Variants in GART observed in about 807,000 individuals in gnomAD.
GART encodes the protein trifunctional purine biosynthetic protein adenosine-3.
Under a neutral mutation model 107.2 loss-of-function variants are expected in GART, and 43 were observed. That is an observed-to-expected ratio of 0.40 (90% CI 0.31 to 0.52). The LOEUF (loss-of-function observed/expected upper bound fraction) is 0.52. Ranked by LOEUF, GART falls within the 20% of genes least tolerant of loss-of-function variation. GART has a pLI of 0.52. For missense variants in GART, 1,107 were observed against 1,206.5 expected, an observed-to-expected ratio of 0.92 and a Z score of 1.22; for synonymous variants, 434 against 427.0, an observed-to-expected ratio of 1.02 and a Z score of -0.20.
intron 1 of GART, among the ~76,000 whole-genome samples, chr21:33,541,006 A>T (rs999656384): frequency 6.6e-6 from 1 of 152,082 alleles, no homozygotes; most frequent in Non-Finnish European, 1.5e-5. Context: ...AACAAGTGAA[A>T]CGATGATCAT....
intron 10 of GART, among the ~76,000 whole-genome samples, chr21:33,525,378 T>G (rs925526862): frequency 6.6e-6 from 1 of 152,098 alleles, no homozygotes. Context: ...TCCAAATAAA[T>G]AAATACATAA....
chr21:33,518,119 G>A (rs2145706458), intron 14 of GART, among the ~76,000 whole-genome samples: 1 of 152,314 alleles, frequency 6.6e-6, no homozygotes, highest in South Asian at 2.1e-4. Context: ...GTTCTAAACG[G>A]TGGTTGAAAG....
intron 1 of GART, among the ~76,000 whole-genome samples, chr21:33,540,944 C>T (rs2085402281): frequency 6.6e-6 from 1 of 151,528 alleles, no homozygotes; most frequent in African/African-American, 2.4e-5. Context: ...GGAGGTCACA[C>T]AGGTAAGAGG....
intron 16 of GART, among the ~76,000 whole-genome samples, chr21:33,514,767 C>T (rs993249711): frequency 1.3e-5 from 2 of 152,206 alleles, no homozygotes; most frequent in Non-Finnish European, 2.9e-5. Context: ...TTAATATGCT[C>T]AGTCCATGGA....
intron 16 of GART, among the ~76,000 whole-genome samples, chr21:33,514,368 G>C (rs2084840568): frequency 6.6e-6 from 1 of 152,190 alleles, no homozygotes; most frequent in African/African-American, 2.4e-5. Flanking sequence ...AAGGAATTGT[G>C]CAATGGCTTT....
intron 12 of GART, among the ~76,000 whole-genome samples, chr21:33,521,296 T>G (rs941480244): frequency 1.3e-5 from 2 of 152,120 alleles, no homozygotes; most frequent in African/African-American, 2.4e-5. Flanking sequence ...ATGCCCTTCC[T>G]GAGTATGAGA....
intron 5 of GART, 83 bp downstream of exon 5, chr21:33,532,262 T>C (rs1017288971): frequency 1.8e-5 from 17 of 934,000 alleles, no homozygotes; most frequent in Non-Finnish European, 2.7e-5. Context: ...ATTTTCCTTA[T>C]TGTGAGGAAC....
chr21:33,524,405 G>T, intron 11 of GART: 1 of 615,620 alleles, frequency 1.6e-6, no homozygotes, highest in Non-Finnish European at 2.0e-6. Context: ...AAAAAAATTA[G>T]CCAGGTGTGG....
At chr21:33,541,618 T>C (rs1225570939) in intron 1 of GART, among the ~76,000 whole-genome samples, 2 of 152,166 alleles carry the variant, frequency 1.3e-5, no homozygotes, top group African/African-American at 4.8e-5. Flanking sequence ...CGCTGCCCCA[T>C]ACTAGCAGGA....
intron 2 of GART, among the ~76,000 whole-genome samples, chr21:33,535,956 A>C (rs564627570): frequency 6.6e-6 from 1 of 152,118 alleles, no homozygotes; most frequent in South Asian, 2.1e-4. Context: ...TGAACTGGGG[A>C]GGCGGAGGTT....
In GART at chr21:33,534,679, T is replaced by C. The variant is rs755704506; in HGVS notation, c.316A>G (p.Ser106Gly). ...ATAAACTCTTTGGCAAACCTTTTGC[T>C]GGACTCTAACTGAGCCGCTTCTGCT... Reference protein sequence around the residue: ...PTAEAAQLESSKRFAKEFMDR... With the variant: ...PTAEAAQLESGKRFAKEFMDR... Residue 106 changes from serine (S) to glycine (G), a missense_variant, in exon 4 of 22, where the codon AGC becomes GGC. By Grantham distance (56) the Ser-to-Gly change is moderately conservative. Coordinates refer to ENST00000381815, the MANE Select transcript of GART (RefSeq NM_000819.5). The C allele has an allele frequency of 1.9e-6, 3 of 1,613,798 alleles. No individual in the cohort carries two copies. Among genetic ancestry groups the C allele is most frequent in the East Asian group, 4.5e-5 (2 of 44,838 alleles).
chr21:33,542,794 G>A (rs190165596), upstream of GART: 2,908 of 465,156 alleles, frequency 6.3e-3, 11 homozygotes, highest in South Asian at 0.012. Context: ...AACTTATGCG[G>A]ACACGGTCGC....
In GART at chr21:33,509,882, T is replaced by G. The variant is rs779081334; in HGVS notation, c.2353A>C (p.Met785Leu). ...TTCAACACTGACCCATTTATTTGCA[T>G]GCTTTCAATCAGATTCTTGACTTTC... is the stretch of plus-strand genomic sequence containing the variant. Reference protein sequence around the residue: ...RVKVKNLIESMQINGSVLKNG... With the variant: ...RVKVKNLIESLQINGSVLKNG... Residue 785 changes from methionine to leucine, a missense_variant, in exon 18 of 22, where the codon ATG (methionine) becomes CTG (leucine). Physicochemically the swap from Met to Leu is conservative, Grantham distance 15. Coordinates refer to ENST00000381815, the MANE Select transcript of GART (RefSeq NM_000819.5). 2 of 1,613,750 alleles carry G rather than the reference T, an allele frequency of 1.2e-6. No homozygotes were observed. Among genetic ancestry groups the G allele is most frequent in the South Asian group, 2.2e-5 (2 of 91,026 alleles).
chr21:33,513,131 G>A (rs2084818646), intron 16 of GART, among the ~76,000 whole-genome samples: 1 of 149,144 alleles, frequency 6.7e-6, no homozygotes. Flanking sequence ...GTGTGTGTGT[G>A]TGTGTGTATT....
intron 10 of GART, among the ~76,000 whole-genome samples, chr21:33,526,888 C>T (rs2085084220): frequency 6.6e-6 from 1 of 152,084 alleles, no homozygotes. Flanking sequence ...TTTTCCGTCT[C>T]TATTTCTTTT....
intron 7 of GART, 88 bp from the exon 8 acceptor site, chr21:33,529,025 G>C: frequency 1.3e-6 from 1 of 796,484 alleles, no homozygotes; most frequent in Non-Finnish European, 2.1e-6. Context: ...GGGATGATGA[G>C]GATAACTCAT....
chr21:33,515,652 C>CAAAAAAAAAAAAAAA (rs71194850), intron 16 of GART, among the ~76,000 whole-genome samples: 2 of 35,872 alleles, frequency 5.6e-5, no homozygotes, highest in African/African-American at 1.3e-4. Flanking sequence ...GACTCCAACT[C>CAAAAAAAAAAAAAAA]AAAAAAAAAA....
At chr21:33,534,811 C>G (rs1289050584) in intron 3 of GART, 58 bp from the exon 4 acceptor site, 2 of 1,441,990 alleles carry the variant, frequency 1.4e-6, no homozygotes, top group Non-Finnish European at 1.9e-6. Flanking sequence ...GCTTTTCAGC[C>G]TGAAGACGAA....
Position 33,518,896 on chromosome 21 carries a change from A to G in GART, c.1703-1288T>C, listed in dbSNP as rs1258806321. ...TGTCTCAGCATGGCCTGTAATGGTG[A>G]AAGTGTTCACTGCCCCAGAGAAATG... is the stretch of plus-strand genomic sequence containing the variant. On this transcript the variant is annotated intron_variant, in intron 14 of 21. Coordinates refer to ENST00000381815, the MANE Select transcript of GART (RefSeq NM_000819.5). The G allele has an allele frequency of 9.5e-6, 5 of 526,110 alleles. No individual in the cohort carries two copies. The East Asian group carries it at 2.4e-4, about 25-fold the overall frequency. 32.6% of individuals were successfully genotyped at this position (526,110 alleles called of 1,614,324 possible). A position where few individuals can be genotyped will look rare whatever the true frequency, so the allele number is the denominator to read the frequency against.
Sources: gnomAD v4.1 joint callset for allele counts (sites outside exome capture counted in the v4.1 genomes callset) on GRCh38, gnomAD v4.1.1 for gene constraint, MANE v1.5 for transcripts, NCBI Gene and HGNC (gene_info 2026-07-23, HGNC 2026-07-21) for gene names.